The following OPCML variants were observed in gnomAD, a reference collection of about 807,000 sequenced individuals.
The protein encoded by OPCML is opioid binding protein/cell adhesion molecule like.
A neutral mutation model predicts 37.8 loss-of-function variants in OPCML; 13 were observed. The ratio of observed to expected loss-of-function variants is 0.34; its 90% confidence interval spans 0.22 to 0.55. OPCML has a LOEUF of 0.55. Ranked by LOEUF, OPCML falls within the 20% of genes least tolerant of loss-of-function variation. The pLI is 0.91. For synonymous variants in OPCML, 176 were observed against 168.8 expected (o/e 1.04, Z -0.33); for missense variants, 341 against 435.6 (o/e 0.78, Z 1.93).
chr11:133,180,336 G>A (rs578227620), intron 1 of OPCML, among the ~76,000 whole-genome samples: 1 of 152,306 alleles, frequency 6.6e-6, no homozygotes, highest in South Asian at 2.1e-4. Context: ...ACACAGCTGG[G>A]TTGTGCAGGT....
chr11:133,166,885 G>C (rs1409684836), intron 1 of OPCML, among the ~76,000 whole-genome samples: 1 of 152,206 alleles, frequency 6.6e-6, no homozygotes, highest in Non-Finnish European at 1.5e-5. Context: ...TTGGATCACT[G>C]CCCTTGCATG....
chr11:133,004,802 C>T (rs187945808), intron 1 of OPCML: 409 of 985,424 alleles, frequency 4.2e-4, no homozygotes, highest in Non-Finnish European at 4.7e-4. Flanking sequence ...CACCACACTC[C>T]GTCTAACCTG....
At chr11:132,601,230 C>T (rs1433065430) in intron 3 of OPCML, among the ~76,000 whole-genome samples, 2 of 152,062 alleles carry the variant, frequency 1.3e-5, no homozygotes, top group Non-Finnish European at 2.9e-5. Flanking sequence ...ATGCCCTCCT[C>T]CCTGGTCTGC....
chr11:132,504,727 G>T (rs1158316910), intron 4 of OPCML, among the ~76,000 whole-genome samples: 1 of 152,140 alleles, frequency 6.6e-6, no homozygotes, highest in Non-Finnish European at 1.5e-5. Flanking sequence ...GAGAGAGAGG[G>T]TAAGACACAG....
intron 2 of OPCML, among the ~76,000 whole-genome samples, chr11:132,927,451 T>C (rs1945032747): frequency 6.6e-6 from 1 of 152,064 alleles, no homozygotes; most frequent in Non-Finnish European, 1.5e-5. Flanking sequence ...AACAAATCTG[T>C]CACCCAATAA....
At chr11:133,276,794 C>T (rs1942007585) in intron 1 of OPCML, among the ~76,000 whole-genome samples, 1 of 152,068 alleles carries the variant, frequency 6.6e-6, no homozygotes, top group Non-Finnish European at 1.5e-5. Context: ...ACTTCTATGA[C>T]AGTTCTTTTT....
intron 1 of OPCML, among the ~76,000 whole-genome samples, chr11:133,327,486 A>G (rs1289232881): frequency 6.6e-6 from 1 of 151,986 alleles, no homozygotes; most frequent in African/African-American, 2.4e-5. Flanking sequence ...AGGTAACAGA[A>G]AAAAATCGTG....
At chr11:133,266,090 A>C (rs1941649075) in intron 1 of OPCML, among the ~76,000 whole-genome samples, 1 of 152,116 alleles carries the variant, frequency 6.6e-6, no homozygotes, top group African/African-American at 2.4e-5. Context: ...ATTAAATCTC[A>C]AGTCAGGGTA....
Position 133,255,589 on chromosome 11 carries a change from A to G in OPCML, c.61+276675T>C, listed in dbSNP as rs112038678. ...TGCAAAGAAGAGGCCACACACAAAA[A>G]TGAAGAAGAAAAACAAAACTCTTGC... On this transcript the variant is annotated intron_variant, in intron 1 of 7. Transcript: ENST00000524381. 4.5e-3 allele frequency among the ~76,000 whole-genome samples: 690 copies of G among 152,370 alleles called. 6 individuals carry two copies. Among genetic ancestry groups the G allele is most frequent in the African/African-American group, 0.016 (649 of 41,586 alleles).
intron 1 of OPCML, among the ~76,000 whole-genome samples, chr11:132,953,336 C>A (rs937871345): frequency 1.3e-5 from 2 of 152,272 alleles, no homozygotes; most frequent in Non-Finnish European, 2.9e-5. Context: ...AGATCCAATG[C>A]CATTCCCACT....
At chr11:133,002,254 T>TA (rs1348330413) in intron 1 of OPCML, among the ~76,000 whole-genome samples, 2 of 152,202 alleles carry the variant, frequency 1.3e-5, no homozygotes, top group East Asian at 3.9e-4. Flanking sequence ...GTTTGATGGC[T>TA]AAGGAAGGTT....
intron 1 of OPCML, chr11:133,423,365 G>A: frequency 1.0e-6 from 1 of 985,388 alleles, no homozygotes; most frequent in Non-Finnish European, 1.2e-6. Context: ...GCAGATAACT[G>A]AGAGTGGACA....
At chr11:132,894,120 C>T (rs867385516) in intron 2 of OPCML, among the ~76,000 whole-genome samples, 9 of 152,166 alleles carry the variant, frequency 5.9e-5, no homozygotes, top group Admixed American at 6.5e-5. Context: ...ATTCAGTCCT[C>T]AGTCTACTCA....
chr11:132,746,697 C>T (rs1945647077), intron 2 of OPCML, among the ~76,000 whole-genome samples: 2 of 152,178 alleles, frequency 1.3e-5, no homozygotes, highest in South Asian at 4.1e-4. Context: ...TACAGGACCT[C>T]CTCTGGCAGG....
intron 1 of OPCML, among the ~76,000 whole-genome samples, chr11:133,099,426 C>G (rs1949053231): frequency 2.0e-5 from 3 of 147,170 alleles, no homozygotes; most frequent in African/African-American, 7.5e-5. Context: ...CCACACCTGG[C>G]TAATTTTCTT....
chr11:133,525,923 T>C (rs904242846), intron 1 of OPCML, among the ~76,000 whole-genome samples: 15 of 152,316 alleles, frequency 9.8e-5, no homozygotes, highest in African/African-American at 1.7e-4. Flanking sequence ...GCACAGCATC[T>C]CCGCTCATTA....
At chr11:132,749,662 G>C (rs1945764071) in intron 2 of OPCML, among the ~76,000 whole-genome samples, 1 of 152,098 alleles carries the variant, frequency 6.6e-6, no homozygotes, top group Admixed American at 6.5e-5. Context: ...GGCCACCCAG[G>C]GGTACAGTAA....
Position 133,151,587 on chromosome 11 carries a change from T to C in OPCML, c.62-208577A>G, listed in dbSNP as rs140377477. 2.4e-3 allele frequency among the ~76,000 whole-genome samples: 361 copies of C among 152,248 alleles called. 2 individuals are homozygous for C. The highest frequency in any genetic ancestry group is 8.2e-3 in the African/African-American group (342 of 41,546). ...AAATTATTGGATGAGGAAAGTGCAG[T>C]TATGATTAATCTAATTTTTCAGTTA... On this transcript the variant is annotated intron_variant, in intron 1 of 7. Transcript: ENST00000524381.
intron 1 of OPCML, chr11:133,418,340 G>A: frequency 1.0e-6 from 1 of 985,378 alleles, no homozygotes; most frequent in Non-Finnish European, 1.2e-6. Flanking sequence ...GATGATGTCT[G>A]CATTCAATAG....
Sources: gnomAD v4.1 joint callset for allele counts (sites outside exome capture counted in the v4.1 genomes callset) on GRCh38, gnomAD v4.1.1 for gene constraint, MANE v1.5 for transcripts, NCBI Gene and HGNC (gene_info 2026-07-23, HGNC 2026-07-21) for gene names.